Variants in COPG2 observed in about 807,000 individuals in gnomAD.
COPG2 encodes coatomer subunit gamma-2.
Under a neutral mutation model 46.3 loss-of-function variants are expected in COPG2, and 37 were observed. The ratio of observed to expected loss-of-function variants is 0.80; its 90% CI spans 0.61 to 1.05. The LOEUF is 1.05. COPG2 is among the 50% of genes least tolerant of loss of function. COPG2 has a pLI of 0.00. For missense variants in COPG2, 427 were observed against 387.8 expected, an observed-to-expected ratio of 1.10 and a Z score of -0.85; for synonymous variants, 159 against 129.7, an observed-to-expected ratio of 1.23 and a Z score of -1.53.
chr7:130,509,884 T>G (rs555891586), intron 20 of COPG2: 50 of 487,018 alleles, frequency 1.0e-4, no homozygotes, highest in Admixed American at 2.4e-4. Context: ...AACGATATAA[T>G]AGTTTAACTG....
At chr7:130,657,231 C>G (rs1554460020) in intron 4 of COPG2, among the ~76,000 whole-genome samples, 1 of 152,044 alleles carries the variant, frequency 6.6e-6, no homozygotes, top group African/African-American at 2.4e-5. Flanking sequence ...CATCTCCTCC[C>G]CCTCCTCCCC....
chr7:130,585,388 C>A (rs1430199367), intron 9 of COPG2, among the ~76,000 whole-genome samples: 2 of 151,988 alleles, frequency 1.3e-5, no homozygotes, highest in African/African-American at 4.8e-5. Flanking sequence ...TGGAAAAACC[C>A]TTCTACACAT....
chr7:130,624,190 G>T (rs980503824), intron 5 of COPG2, among the ~76,000 whole-genome samples: 1 of 151,998 alleles, frequency 6.6e-6, no homozygotes, highest in African/African-American at 2.4e-5. Flanking sequence ...ACCCCCAAAG[G>T]CCTCACTTCC....
At chr7:130,550,435 G>T in intron 17 of COPG2, 89 bp downstream of exon 17, 13 of 224,738 alleles carry the variant, frequency 5.8e-5, no homozygotes, top group Admixed American at 6.5e-5. Context: ...AAAAAAAAGA[G>T]TGACAATTAA....
intron 2 of COPG2, 53 bp downstream of exon 2, chr7:130,667,429 C>G: frequency 6.9e-7 from 1 of 1,452,946 alleles, no homozygotes; most frequent in South Asian, 1.2e-5. Flanking sequence ...TCTCTGCCCA[C>G]CACTCTAAAA....
chr7:130,552,904 A>G (rs886521368), intron 14 of COPG2, among the ~76,000 whole-genome samples: 5 of 152,234 alleles, frequency 3.3e-5, no homozygotes, highest in African/African-American at 7.2e-5. Context: ...CTAGTGGGAA[A>G]GATAGGTATG....
intron 9 of COPG2, among the ~76,000 whole-genome samples, chr7:130,574,523 T>A (rs1554445944): frequency 2.0e-5 from 3 of 152,086 alleles, no homozygotes; most frequent in African/African-American, 7.2e-5. Context: ...CAACACCCCA[T>A]GAGACAAAAG....
At chr7:130,559,605 T>G (rs1425717024) in intron 12 of COPG2, among the ~76,000 whole-genome samples, 3 of 152,146 alleles carry the variant, frequency 2.0e-5, no homozygotes, top group Non-Finnish European at 2.9e-5. Context: ...TGAGGAATCA[T>G]AGAGACCACT....
chr7:130,577,669 G>A (rs548808886), intron 9 of COPG2, among the ~76,000 whole-genome samples: 2 of 151,006 alleles, frequency 1.3e-5, no homozygotes, highest in South Asian at 4.2e-4. Flanking sequence ...GCTGAGGCAG[G>A]AGAATGGCGT....
intron 5 of COPG2, among the ~76,000 whole-genome samples, chr7:130,625,752 A>C (rs1315821677): frequency 3.3e-5 from 5 of 151,758 alleles, no homozygotes; most frequent in Non-Finnish European, 5.9e-5. Flanking sequence ...TTTAATAATT[A>C]GATATGTTTT....
At chr7:130,664,734 AT>A (rs1296281393) in intron 3 of COPG2, among the ~76,000 whole-genome samples, 6 of 152,258 alleles carry the variant, frequency 3.9e-5, no homozygotes, top group African/African-American at 1.4e-4. Flanking sequence ...AACTTTGACT[AT>A]TCAAAACTTT....
chr7:130,588,516 AATC>A (rs1194090365), intron 9 of COPG2, among the ~76,000 whole-genome samples: 1 of 152,150 alleles, frequency 6.6e-6, no homozygotes, highest in Admixed American at 6.5e-5. Context: ...TGAAATTGGA[AATC>A]ATCATTCTCA....
chr7:130,561,785 G>A (rs1321374579), intron 11 of COPG2, among the ~76,000 whole-genome samples: 3 of 152,192 alleles, frequency 2.0e-5, no homozygotes, highest in African/African-American at 7.2e-5. Context: ...ACTCTGGAAA[G>A]CAGAGCACTG....
intron 9 of COPG2, among the ~76,000 whole-genome samples, chr7:130,609,811 T>A (rs1794806556): frequency 1.3e-5 from 2 of 152,220 alleles, no homozygotes; most frequent in South Asian, 4.1e-4. Flanking sequence ...AAATTTTTAT[T>A]TTTGATATTG....
chr7:130,542,243 TGTGG>T (rs1793341810), intron 20 of COPG2, among the ~76,000 whole-genome samples: 1 of 149,156 alleles, frequency 6.7e-6, no homozygotes, highest in African/African-American at 2.5e-5. Flanking sequence ...GAAAGCATGG[TGTGG>T]GTAAGACACG....
intron 5 of COPG2, among the ~76,000 whole-genome samples, chr7:130,649,401 T>C (rs1382783836): frequency 5.3e-5 from 8 of 152,216 alleles, no homozygotes; most frequent in African/African-American, 1.9e-4. Flanking sequence ...TCAATTTTAC[T>C]ATTAGTGGCA....
intron 20 of COPG2, among the ~76,000 whole-genome samples, chr7:130,534,143 C>T (rs1475196803): frequency 1.3e-5 from 2 of 151,854 alleles, no homozygotes; most frequent in Non-Finnish European, 2.9e-5. Context: ...CAGAGCAGAT[C>T]GAAGAAGCAA....
At chr7:130,659,717 T>G (rs948344306) in intron 4 of COPG2, among the ~76,000 whole-genome samples, 4 of 152,072 alleles carry the variant, frequency 2.6e-5, no homozygotes, top group Admixed American at 6.6e-5. Flanking sequence ...ATTGAGACCA[T>G]CCTGGCCAAC....
chr7:130,599,366 A>G (rs945699074), intron 9 of COPG2, among the ~76,000 whole-genome samples: 3 of 152,194 alleles, frequency 2.0e-5, no homozygotes, highest in Admixed American at 6.5e-5. Context: ...GGACCTCATT[A>G]TATGCTCATT....
Sources: allele counts gnomAD v4.1 joint callset (sites outside exome capture counted in the v4.1 genomes callset), GRCh38; gene constraint gnomAD v4.1.1; transcripts MANE v1.5; gene names NCBI Gene and HGNC (gene_info 2026-07-23, HGNC 2026-07-21).